RTP2: variants seen among roughly 807,000 people sequenced by gnomAD.
RTP2 encodes the protein receptor-transporting protein 2.
Under a neutral mutation model 17.9 loss-of-function variants are expected in RTP2, and 12 were observed. The ratio of observed to expected loss-of-function variants is 0.67; its 90% CI spans 0.43 to 1.09. The LOEUF is 1.09. Among genes scored for constraint, RTP2 ranks in the 50% least tolerant of loss-of-function variants. The probability of loss-of-function intolerance (pLI) is 0.00; values close to 1 mark genes in which losing one functional copy is unlikely to be tolerated. For synonymous variants in RTP2, 126 were observed against 117.7 expected (o/e 1.07, Z -0.46); for missense variants, 327 against 295.7 (o/e 1.11, Z -0.78).
chr3:187,712,394 G>A, the RTP2 span, among the ~76,000 whole-genome samples: 7 of 152,038 alleles, frequency 4.6e-5, no homozygotes, highest in East Asian at 1.9e-4. Context: ...TATTTATTAT[G>A]TTTTGTCATA....
chr3:187,714,400 C>T, the RTP2 span, among the ~76,000 whole-genome samples: 3 of 152,164 alleles, frequency 2.0e-5, no homozygotes, highest in African/African-American at 7.2e-5. Context: ...GATTTGGGGG[C>T]CAGAGCCCCT....
chr3:187,702,547 C>G (rs769230409), exon 1 of RTP2: 145 of 457,918 alleles, frequency 3.2e-4, no homozygotes, highest in Non-Finnish European at 4.0e-4. Flanking sequence ...ATGGTAAGTA[C>G]GACACCCTAG....
At chr3:187,715,493 G>A in the RTP2 span, 60 of 331,394 alleles carry the variant, frequency 1.8e-4, no homozygotes, top group African/African-American at 1.3e-3. Context: ...TGAGGTTTCT[G>A]GAAATAGGAA....
At chr3:187,714,489 C>A in the RTP2 span, among the ~76,000 whole-genome samples, 1 of 152,136 alleles carries the variant, frequency 6.6e-6, no homozygotes, top group African/African-American at 2.4e-5. Flanking sequence ...CATAGGAGAC[C>A]AACTCAAAAA....
At chr3:187,711,537 G>T in the RTP2 span, among the ~76,000 whole-genome samples, 1 of 152,212 alleles carries the variant, frequency 6.6e-6, no homozygotes, top group Non-Finnish European at 1.5e-5. Context: ...CTTAGAGAAT[G>T]TGGTCTGTAT....
At chr3:187,698,827 G>C in exon 2 of RTP2, 1 of 1,613,002 alleles carries the variant, frequency 6.2e-7, no homozygotes, top group Non-Finnish European at 8.5e-7. Context: ...TTGTCCACCA[G>C]GCCCTCGATG....
At chr3:187,705,225 A>T (rs1350031493), upstream of RTP2, among the ~76,000 whole-genome samples, 1 of 152,080 alleles carries the variant, frequency 6.6e-6, no homozygotes, top group Non-Finnish European at 1.5e-5. Context: ...GGGTCTGGGG[A>T]CACTTTCAGC....
exon 1 of RTP2, chr3:187,702,052 C>G: frequency 6.2e-7 from 1 of 1,613,794 alleles, no homozygotes; most frequent in Non-Finnish European, 8.5e-7. Flanking sequence ...GAGCTCCCAG[C>G]TGTCCGCTGG....
rs1487742304 is a variant in RTP2 at position 187,699,826 on chromosome 3, C to A, written c.165-815G>T. On this transcript the variant is annotated intron_variant, in intron 1 of 1. Coordinates refer to ENST00000358241, the Ensembl canonical transcript of RTP2. ...TCTTACATGCACAGAGGCCACTTGG[C>A]GTAACCTGGGCTTTCTAGAGTCCCA... 4.0e-5 allele frequency among the ~76,000 whole-genome samples: 6 copies of A among 151,532 alleles called. No individual in the cohort carries two copies. The East Asian group carries it at 9.7e-4, about 25-fold the overall frequency.
At chr3:187,706,833 C>T (rs764633119), upstream of RTP2, among the ~76,000 whole-genome samples, 2 of 152,112 alleles carry the variant, frequency 1.3e-5, no homozygotes, top group Admixed American at 1.3e-4. Context: ...GAACTCCTGA[C>T]GTCGTGATCC....
chr3:187,714,967 A>G, the RTP2 span, among the ~76,000 whole-genome samples: 1 of 99,476 alleles, frequency 1.0e-5, no homozygotes. Context: ...TACGTTAGGA[A>G]AAAAAAAACA....
intron 1 of RTP2, among the ~76,000 whole-genome samples, chr3:187,699,559 G>A (rs148950219): frequency 8.1e-4 from 123 of 152,210 alleles, no homozygotes; most frequent in African/African-American, 2.8e-3. Context: ...ATGATGGGAT[G>A]GACAGACCGG....
At chr3:187,715,068 T>C in the RTP2 span, among the ~76,000 whole-genome samples, 14 of 152,160 alleles carry the variant, frequency 9.2e-5, no homozygotes, top group African/African-American at 3.1e-4. Context: ...GTTACAACCC[T>C]CCGCAAATGG....
exon 1 of RTP2, chr3:187,702,509 T>C (rs1185525314): frequency 2.2e-6 from 1 of 464,218 alleles, no homozygotes; most frequent in South Asian, 1.5e-5. Flanking sequence ...ACCCAACTGC[T>C]CTTCTAGCAT....
upstream of RTP2, among the ~76,000 whole-genome samples, chr3:187,703,057 G>T (rs371523190): frequency 6.6e-6 from 1 of 152,132 alleles, no homozygotes; most frequent in African/African-American, 2.4e-5. Flanking sequence ...GAGAGCATCC[G>T]TAGCTCTGTG....
upstream of RTP2, among the ~76,000 whole-genome samples, chr3:187,706,257 A>G (rs1368644300): frequency 6.6e-6 from 1 of 152,242 alleles, no homozygotes; most frequent in African/African-American, 2.4e-5. Context: ...TGTTAAACGA[A>G]GATGTTTTAC....
chr3:187,702,802 CAG>C (rs1284167603), upstream of RTP2, among the ~76,000 whole-genome samples: 3 of 152,258 alleles, frequency 2.0e-5, no homozygotes, highest in East Asian at 5.8e-4. Flanking sequence ...GTGCTCCTAA[CAG>C]GGAATTGAGT....
upstream of RTP2, among the ~76,000 whole-genome samples, chr3:187,705,495 A>G (rs1188357082): frequency 6.6e-6 from 1 of 152,196 alleles, no homozygotes; most frequent in Non-Finnish European, 1.5e-5. Flanking sequence ...TTAAAAATAT[A>G]TATCTTTCCT....
At chr3:187,712,483 A>G in the RTP2 span, among the ~76,000 whole-genome samples, 4 of 152,226 alleles carry the variant, frequency 2.6e-5, no homozygotes, top group Middle Eastern at 3.2e-3. Flanking sequence ...ACTATTTTTA[A>G]AAAGACAAAG....
Sources: gnomAD v4.1 joint callset for allele counts (sites outside exome capture counted in the v4.1 genomes callset) on GRCh38, gnomAD v4.1.1 for gene constraint, MANE v1.5 for transcripts, NCBI Gene and HGNC (gene_info 2026-07-23, HGNC 2026-07-21) for gene names.